The following SGMS1 variants were observed in gnomAD, a reference collection of about 807,000 sequenced individuals.
SGMS1 encodes sphingomyelin synthase 1, also known as phosphatidylcholine:ceramide cholinephosphotransferase 1.
Under a neutral mutation model 46.2 loss-of-function variants are expected in SGMS1, and 13 were observed. The ratio of observed to expected loss-of-function variants is 0.28; its 90% confidence interval spans 0.18 to 0.45. The LOEUF is 0.45. Ranked by LOEUF, SGMS1 falls within the 20% of genes least tolerant of loss-of-function variation. The pLI, the probability that SGMS1 is intolerant of heterozygous loss-of-function variation, is 1.00. For missense variants in SGMS1, 324 were observed against 519.9 expected (o/e 0.62, Z 3.66); for synonymous variants, 203 against 187.8 (o/e 1.08, Z -0.66).
intron 7 of SGMS1, among the ~76,000 whole-genome samples, chr10:50,336,825 C>T (rs1163186960): frequency 6.6e-6 from 1 of 152,174 alleles, no homozygotes; most frequent in Non-Finnish European, 1.5e-5. Flanking sequence ...AATAACACTA[C>T]TTGTTTTAAG....
intron 2 of SGMS1, among the ~76,000 whole-genome samples, chr10:50,536,101 A>G (rs1454695068): frequency 1.3e-5 from 2 of 152,128 alleles, no homozygotes; most frequent in Non-Finnish European, 2.9e-5. Flanking sequence ...TGGGAGGCTG[A>G]AGTCGAAAGA....
chr10:50,513,294 C>T (rs530287421), intron 3 of SGMS1, among the ~76,000 whole-genome samples: 52 of 152,126 alleles, frequency 3.4e-4, no homozygotes, highest in Non-Finnish European at 6.0e-4. Context: ...GGAAAAACAG[C>T]GAAGTAGGTA....
At chr10:50,617,881 ATTTTTT>A (rs1232490399) in intron 1 of SGMS1, among the ~76,000 whole-genome samples, 3 of 134,278 alleles carry the variant, frequency 2.2e-5, no homozygotes, top group African/African-American at 8.3e-5. Flanking sequence ...CCCTGGCTTA[ATTTTTT>A]TTTTTTTTTT....
intron 7 of SGMS1, among the ~76,000 whole-genome samples, chr10:50,336,581 A>G (rs1847720854): frequency 6.6e-6 from 1 of 152,214 alleles, no homozygotes; most frequent in African/African-American, 2.4e-5. Context: ...CACATAAAAT[A>G]TATAATTAAA....
At chr10:50,444,949 C>T (rs1272768414) in intron 5 of SGMS1, among the ~76,000 whole-genome samples, 2 of 152,042 alleles carry the variant, frequency 1.3e-5, no homozygotes, top group Non-Finnish European at 2.9e-5. Context: ...AAAAATTCAC[C>T]ATACATGTAT....
chr10:50,406,331 G>A (rs116684088), intron 6 of SGMS1, among the ~76,000 whole-genome samples: 2,521 of 152,256 alleles, frequency 0.017, 68 homozygotes, highest in African/African-American at 0.057. Context: ...TGTCGGATGT[G>A]CAGCTTCTCC....
At chr10:50,606,763 C>T (rs908645843) in intron 1 of SGMS1, among the ~76,000 whole-genome samples, 8 of 152,086 alleles carry the variant, frequency 5.3e-5, no homozygotes, top group African/African-American at 9.7e-5. Flanking sequence ...AACAGCATGA[C>T]GTCAGTGATA....
intron 6 of SGMS1, among the ~76,000 whole-genome samples, chr10:50,354,653 C>T (rs2133392095): frequency 6.6e-6 from 1 of 152,236 alleles, no homozygotes; most frequent in Middle Eastern, 3.4e-3. Flanking sequence ...AATGAACAGG[C>T]AACCTACAGA....
rs1289004639 is a variant in SGMS1 at position 50,512,964 on chromosome 10, G to C, written c.-498+6867C>G. ...AGACAGCTAGCCCTGAGAGCTCCCA[G>C]ATAGAGGGCTGAAATACACCACAAA... On this transcript the variant is annotated intron_variant, in intron 3 of 10. Coordinates refer to ENST00000361781, the MANE Select transcript of SGMS1 (RefSeq NM_147156.4). 4.6e-5 allele frequency among the ~76,000 whole-genome samples: 7 copies of C among 152,288 alleles called. No individual in the cohort carries two copies. In the East Asian group the frequency reaches 1.4e-3, roughly 29 times the overall value.
At chr10:50,349,667 C>A (rs548534666) in intron 6 of SGMS1, among the ~76,000 whole-genome samples, 5 of 152,266 alleles carry the variant, frequency 3.3e-5, no homozygotes, top group African/African-American at 9.6e-5. Flanking sequence ...TTATACTGTT[C>A]TTGTGGTAGT....
intron 2 of SGMS1, among the ~76,000 whole-genome samples, chr10:50,589,059 A>G (rs1005941357): frequency 8.6e-5 from 13 of 152,040 alleles, no homozygotes; most frequent in South Asian, 6.2e-4. Flanking sequence ...TTGATCAGGG[A>G]GAAGGTGAGG....
chr10:50,354,320 G>A (rs1357845267), intron 6 of SGMS1, among the ~76,000 whole-genome samples: 1 of 152,118 alleles, frequency 6.6e-6, no homozygotes, highest in Non-Finnish European at 1.5e-5. Context: ...TGACAAACCT[G>A]ACAAAAACAA....
intron 8 of SGMS1, among the ~76,000 whole-genome samples, chr10:50,321,602 T>C (rs1393516242): frequency 2.0e-5 from 3 of 152,120 alleles, no homozygotes; most frequent in African/African-American, 4.8e-5. Flanking sequence ...AATCAGAAAC[T>C]GGAAGACCAG....
chr10:50,317,399 G>A (rs1847357198), intron 8 of SGMS1, among the ~76,000 whole-genome samples: 1 of 152,192 alleles, frequency 6.6e-6, no homozygotes, highest in Admixed American at 6.5e-5. Flanking sequence ...ATCTTCACAA[G>A]CTTGTCAGTT....
intron 8 of SGMS1, among the ~76,000 whole-genome samples, chr10:50,325,851 A>C (rs1847522268): frequency 6.6e-6 from 1 of 152,224 alleles, no homozygotes; most frequent in South Asian, 2.1e-4. Flanking sequence ...AATATCCTAA[A>C]CTGTCAGTTT....
intron 8 of SGMS1, among the ~76,000 whole-genome samples, chr10:50,316,113 T>G (rs532563501): frequency 1.3e-5 from 2 of 152,232 alleles, no homozygotes; most frequent in South Asian, 4.1e-4. Context: ...CTTAGAGCAC[T>G]GGCTTTTTCT....
At position 50,415,368 on chromosome 10, in the gene SGMS1, G is replaced by A. The variant is rs554409357; in HGVS notation, c.-232+18108C>T. On this transcript the variant is annotated intron_variant, in intron 6 of 10. Transcript: ENST00000361781. ...CGTAAGTTATGAATCTAAAGTTTTCGAATTTACCATTTCCCCATTTTTGAA... is the reference window on the plus strand; with the variant it reads ...CGTAAGTTATGAATCTAAAGTTTTCAAATTTACCATTTCCCCATTTTTGAA... 5.0e-4 allele frequency among the ~76,000 whole-genome samples: 76 copies of A among 152,184 alleles called. No homozygotes were observed. In the Middle Eastern group the frequency reaches 0.01, roughly 20 times the overall value.
chr10:50,551,192 G>A (rs183965162), intron 2 of SGMS1, among the ~76,000 whole-genome samples: 45 of 151,918 alleles, frequency 3.0e-4, no homozygotes, highest in Admixed American at 1.7e-3. Flanking sequence ...CAATATCAAC[G>A]TGAGCAGTCA....
intron 6 of SGMS1, among the ~76,000 whole-genome samples, chr10:50,345,132 A>AG: frequency 6.6e-6 from 1 of 151,970 alleles, no homozygotes; most frequent in East Asian, 1.9e-4. Context: ...TCTTTAAAAA[A>AG]AAAAAATCAG....
Sources: gnomAD v4.1 joint callset for allele counts (sites outside exome capture counted in the v4.1 genomes callset) on GRCh38, gnomAD v4.1.1 for gene constraint, MANE v1.5 for transcripts, NCBI Gene and HGNC (gene_info 2026-07-23, HGNC 2026-07-21) for gene names.